The following PXDNL variants were observed in gnomAD, a reference collection of about 807,000 sequenced individuals.
PXDNL encodes the protein peroxidasin like, also known as probable oxidoreductase PXDNL.
In PXDNL, 145 loss-of-function variants were observed where a neutral mutation model predicts 150.8. That is an observed-to-expected ratio of 0.96 (90% CI 0.84 to 1.10). The LOEUF (loss-of-function observed/expected upper bound fraction) is 1.10, where lower values mean the gene tolerates loss of function less well. Among genes scored for constraint, PXDNL ranks in the 50% least tolerant of loss-of-function variants. PXDNL has a pLI of 0.00. For synonymous variants in PXDNL, 757 were observed against 725.7 expected (o/e 1.04, Z -0.69); for missense variants, 2,087 against 1,873.9 (o/e 1.11, Z -2.10).
chr8:51,465,215 A>T (rs1050908043), intron 8 of PXDNL, among the ~76,000 whole-genome samples: 4 of 152,186 alleles, frequency 2.6e-5, no homozygotes, highest in African/African-American at 9.6e-5. Context: ...ATGACCAAGT[A>T]GGCTTTATTC....
intron 1 of PXDNL, among the ~76,000 whole-genome samples, chr8:51,726,882 C>T (rs1254708067): frequency 5.3e-5 from 8 of 152,180 alleles, no homozygotes; most frequent in African/African-American, 1.9e-4. Context: ...CAAAGTACTA[C>T]TAGATTCTTA....
At chr8:51,464,723 T>G (rs1167413448) in intron 8 of PXDNL, among the ~76,000 whole-genome samples, 1 of 151,462 alleles carries the variant, frequency 6.6e-6, no homozygotes, top group African/African-American at 2.4e-5. Context: ...TGTCGCGGGG[T>G]GGGGAGCTAG....
At chr8:51,473,164 C>G (rs372090078) in intron 7 of PXDNL, among the ~76,000 whole-genome samples, 1 of 151,812 alleles carries the variant, frequency 6.6e-6, no homozygotes, top group Non-Finnish European at 1.5e-5. Flanking sequence ...AAAAATTCAA[C>G]GTCAGTTATG....
chr8:51,760,844 A>ATTTTTTTTTTTT (rs1563312827), intron 1 of PXDNL, among the ~76,000 whole-genome samples: 1 of 48,036 alleles, frequency 2.1e-5, no homozygotes, highest in Non-Finnish European at 4.6e-5. Flanking sequence ...AATCACTTAA[A>ATTTTTTTTTTTT]CTTTTTTTTT....
chr8:51,568,159 T>TA (rs1812863930), intron 3 of PXDNL, among the ~76,000 whole-genome samples: 1 of 150,720 alleles, frequency 6.6e-6, no homozygotes, highest in African/African-American at 2.5e-5. Context: ...CAATAAATAA[T>TA]AAAAAATAAA....
chr8:51,412,536 G>A (rs1808680072), intron 15 of PXDNL, among the ~76,000 whole-genome samples: 1 of 152,184 alleles, frequency 6.6e-6, no homozygotes, highest in South Asian at 2.1e-4. Context: ...TTATGGATGT[G>A]CAGGAAGCCA....
intron 1 of PXDNL, among the ~76,000 whole-genome samples, chr8:51,715,922 C>T (rs1299913912): frequency 6.6e-6 from 1 of 152,108 alleles, no homozygotes; most frequent in African/African-American, 2.4e-5. Flanking sequence ...AAAAAAAATG[C>T]TATTCAGTCC....
chr8:51,787,662 G>T (rs1015860604), intron 1 of PXDNL, among the ~76,000 whole-genome samples: 2 of 152,198 alleles, frequency 1.3e-5, no homozygotes, highest in African/African-American at 4.8e-5. Context: ...TTAAAATGGA[G>T]TCAACTGCTG....
chr8:51,486,755 TATATATATATATA>T (rs1563433295), intron 5 of PXDNL, among the ~76,000 whole-genome samples: 1 of 16,692 alleles, frequency 6.0e-5, no homozygotes, highest in East Asian at 1.8e-3. Context: ...AAAGTTTATA[TATATATATATATA>T]TATATATATA....
intron 1 of PXDNL, among the ~76,000 whole-genome samples, chr8:51,714,785 A>G (rs1816574937): frequency 6.6e-6 from 1 of 152,220 alleles, no homozygotes; most frequent in Non-Finnish European, 1.5e-5. Context: ...TTCCATTCAG[A>G]CACCTTTTTG....
intron 3 of PXDNL, among the ~76,000 whole-genome samples, chr8:51,557,404 T>A (rs1036441844): frequency 6.6e-6 from 1 of 152,140 alleles, no homozygotes; most frequent in African/African-American, 2.4e-5. Flanking sequence ...ATACTATAAA[T>A]GGATTTATAA....
intron 3 of PXDNL, among the ~76,000 whole-genome samples, chr8:51,568,177 AT>A (rs150338315): frequency 0.071 from 10,766 of 151,802 alleles, 979 homozygotes; most frequent in African/African-American, 0.22. Flanking sequence ...AAAAGATTAT[AT>A]TTTACCTTGA....
At chr8:51,511,486 G>A (rs1253317794) in intron 4 of PXDNL, among the ~76,000 whole-genome samples, 1 of 152,176 alleles carries the variant, frequency 6.6e-6, no homozygotes, top group Non-Finnish European at 1.5e-5. Context: ...GGACAACTTG[G>A]TTGGTGCTGA....
At chr8:51,756,393 GA>G (rs199827186) in intron 1 of PXDNL, among the ~76,000 whole-genome samples, 2 of 88,744 alleles carry the variant, frequency 2.3e-5, no homozygotes, top group African/African-American at 8.9e-5. Context: ...CCCCATCACA[GA>G]AAAAAAAAAA....
intron 1 of PXDNL, among the ~76,000 whole-genome samples, chr8:51,663,203 G>A (rs1267279967): frequency 6.6e-6 from 1 of 152,198 alleles, no homozygotes; most frequent in African/African-American, 2.4e-5. Flanking sequence ...TGCTGACACA[G>A]CAGGCACTGC....
intron 1 of PXDNL, among the ~76,000 whole-genome samples, chr8:51,741,197 G>A (rs1010411194): frequency 1.3e-5 from 2 of 152,106 alleles, no homozygotes; most frequent in Non-Finnish European, 2.9e-5. Context: ...CTTCTTTCTG[G>A]TTTAGTCTTG....
chr8:51,373,157 C>G (rs192954090), intron 18 of PXDNL, among the ~76,000 whole-genome samples: 2 of 152,064 alleles, frequency 1.3e-5, no homozygotes, highest in Non-Finnish European at 2.9e-5. Flanking sequence ...AAATAGATCA[C>G]GTGTGTGAGC....
At chr8:51,416,253 G>A (rs139274098) in intron 14 of PXDNL, among the ~76,000 whole-genome samples, 14 of 152,310 alleles carry the variant, frequency 9.2e-5, no homozygotes, top group South Asian at 2.1e-4. Context: ...CTGAGTTACC[G>A]TACAGGACAT....
chr8:51,616,113 C>A (rs1814124946), intron 2 of PXDNL, among the ~76,000 whole-genome samples: 1 of 152,186 alleles, frequency 6.6e-6, no homozygotes. Flanking sequence ...ATGGACTAGC[C>A]TGGGGCAATT....
Sources: allele counts gnomAD v4.1 joint callset (sites outside exome capture counted in the v4.1 genomes callset), GRCh38; gene constraint gnomAD v4.1.1; transcripts MANE v1.5; gene names NCBI Gene and HGNC (gene_info 2026-07-23, HGNC 2026-07-21).